The following POTEI variants were observed in gnomAD, a reference collection of about 807,000 sequenced individuals.
The protein encoded by POTEI is POTE ankyrin domain family, member I.
POTEI carries 14 observed loss-of-function variants against 43.4 expected under a neutral mutation model. That is an observed-to-expected ratio of 0.32 (90% CI 0.21 to 0.50). The LOEUF (loss-of-function observed/expected upper bound fraction) is 0.50, where lower values mean the gene tolerates loss of function less well. Among genes scored for constraint, POTEI ranks in the 20% least tolerant of loss-of-function variants. The pLI, the probability that POTEI is intolerant of heterozygous loss-of-function variation, is 0.98. For synonymous variants in POTEI, 95 were observed against 297.9 expected, an observed-to-expected ratio of 0.32 and a Z score of 7.01; for missense variants, 235 against 795.4, an observed-to-expected ratio of 0.30 and a Z score of 8.47.
At chr2:130,506,747 A>G (rs2105129379) in intron 1 of POTEI, among the ~76,000 whole-genome samples, 1 of 96,902 alleles carries the variant, frequency 1.0e-5, no homozygotes, top group Middle Eastern at 4.3e-3. Flanking sequence ...TGACTTCATG[A>G]TCCACCGCCT....
intron 9 of POTEI, among the ~76,000 whole-genome samples, chr2:130,482,826 C>A (rs912313037): frequency 1.3e-4 from 19 of 143,594 alleles, no homozygotes; most frequent in Admixed American, 2.1e-4. Context: ...GATGTTAAGA[C>A]CTGACTTGGA....
chr2:130,468,583 A>G (rs1682932480), intron 13 of POTEI, among the ~76,000 whole-genome samples: 1 of 151,882 alleles, frequency 6.6e-6, no homozygotes, highest in Non-Finnish European at 1.5e-5. Flanking sequence ...ACTCACTATC[A>G]CAAGAACAGC....
chr2:130,467,824 A>G (rs1174081911), intron 13 of POTEI, among the ~76,000 whole-genome samples: 3 of 147,832 alleles, frequency 2.0e-5, no homozygotes, highest in Admixed American at 2.0e-4. Flanking sequence ...ACATTTCTCA[A>G]AAGAAGAGGT....
rs1404839123 is a variant in POTEI at position 130,460,162 on chromosome 2, C to T, written c.*2654G>A. 3 of 150,742 alleles carry T rather than the reference C, an allele frequency of 2.0e-5. No individual in the cohort carries two copies. The highest frequency in any genetic ancestry group is 4.4e-5 in the Non-Finnish European group (3 of 68,132). The allele number at this position is 150,742 out of a possible 1,614,324, so 9.3% of individuals were successfully genotyped here. A position where few individuals can be genotyped will look rare whatever the true frequency, so the allele number is the denominator to read the frequency against. ...ATGGTGTGGGCATCTAAGAGTGCCC[C>T]GTAAGCAGGTGTGGCCAGGCTGGGG... On this transcript the variant is annotated 3_prime_UTR_variant, in exon 15 of 15. Transcript: ENST00000451531.
rs762257479 is a variant in POTEI, at chr2:130,509,174, C to A, written c.62G>T (p.Arg21Met). 2.0e-6 allele frequency: 3 copies of A among 1,508,480 alleles called. No individual in the cohort carries two copies. Among genetic ancestry groups the A allele is most frequent in the Non-Finnish European group, 2.7e-6 (3 of 1,127,982 alleles). 93.4% of individuals were successfully genotyped at this position (1,508,480 alleles called of 1,614,324 possible). Residue 21 changes from arginine (R) to methionine (M), a missense_variant, in exon 1 of 15, where the codon AGG (arginine) becomes ATG (methionine). Coordinates refer to ENST00000451531, the MANE Select transcript of POTEI (RefSeq NM_001277406.2). The stretch of plus-strand genomic sequence containing the variant: ...GCGGCACCACTTGCCCATCTTGCTC[C>A]TGAGAACAAATGGCTTCTTCACAGA... ...ASSVKKPFVL[R>M]SKMGKWCRHC...
chr2:130,467,796 G>A (rs1325860033), intron 13 of POTEI, among the ~76,000 whole-genome samples: 1 of 150,468 alleles, frequency 6.6e-6, no homozygotes, highest in Non-Finnish European at 1.5e-5. Context: ...TTGGAAAGTG[G>A]CCAAATTACA....
chr2:130,461,514 C>G lies in POTEI; in HGVS notation c.*1302G>C, dbSNP rs951251313. The G allele has an allele frequency of 2.0e-4, 30 of 152,378 alleles. No individual in the cohort carries two copies. Among genetic ancestry groups the G allele is most frequent in the Admixed American group, 1.8e-3 (27 of 15,312 alleles). 9.4% of individuals were successfully genotyped at this position (152,378 alleles called of 1,614,324 possible). A position where few individuals can be genotyped will look rare whatever the true frequency, so the allele number is the denominator to read the frequency against. On this transcript the variant is annotated 3_prime_UTR_variant, in exon 15 of 15. Coordinates refer to ENST00000451531, the MANE Select transcript of POTEI (RefSeq NM_001277406.2). The stretch of plus-strand genomic sequence containing the variant: ...CTGTGCTGAGGTACCTCTTCCACCC[C>G]TTGTCAGCTTGGGCTCTCCAAAGCC...
intron 10 of POTEI, among the ~76,000 whole-genome samples, chr2:130,478,693 G>C (rs112459538): frequency 9.1e-3 from 936 of 103,064 alleles, no homozygotes; most frequent in Non-Finnish European, 0.011. Context: ...TGGCAGCTGT[G>C]ACTCACACAG....
rs1389885237 is a variant in POTEI at position 130,460,970 on chromosome 2, G to A, written c.*1846C>T. The A allele has an allele frequency of 6.8e-6, 1 of 146,790 alleles. No individual in the cohort carries two copies. Among genetic ancestry groups the A allele is most frequent in the Non-Finnish European group, 1.5e-5 (1 of 68,014 alleles). 9.1% of individuals were successfully genotyped at this position (146,790 alleles called of 1,614,324 possible). A position where few individuals can be genotyped will look rare whatever the true frequency, so the allele number is the denominator to read the frequency against. On this transcript the variant is annotated 3_prime_UTR_variant, in exon 15 of 15. Coordinates refer to ENST00000451531, the MANE Select transcript of POTEI (RefSeq NM_001277406.2). The stretch of plus-strand genomic sequence containing the variant: ...AAGTAGAGAGCCTGGCCACTTTTCT[G>A]TAGGGCTGCTGTGGTATGCTGGGGG...
At chr2:130,480,076 G>C (rs1279618336) in intron 10 of POTEI, among the ~76,000 whole-genome samples, 1 of 47,454 alleles carries the variant, frequency 2.1e-5, no homozygotes, top group Non-Finnish European at 4.1e-5. Context: ...GCGATGTTGT[G>C]TTGTGAGAAC....
intron 6 of POTEI, among the ~76,000 whole-genome samples, chr2:130,493,193 T>C (rs1198574793): frequency 6.1e-5 from 4 of 66,066 alleles, no homozygotes; most frequent in African/African-American, 1.8e-4. Flanking sequence ...TGTGCTGCCT[T>C]CATATGCTCC....
In POTEI at chr2:130,508,798, A is replaced by G. The variant is rs773717051; in HGVS notation, c.438T>C (p.Ala146=). ...RREDLDKLHR[A]AWWGKVARKD... ...TTCTGGCGACTTTACCCCACCAGGCAGCTCTGTGGAGCTTGTCCAGATCTT... is the reference window on the plus strand; with the variant it reads ...TTCTGGCGACTTTACCCCACCAGGCGGCTCTGTGGAGCTTGTCCAGATCTT... Residue 146 remains alanine, a synonymous_variant, in exon 1 of 15, where the codon GCT becomes GCC. Transcript: ENST00000451531. 6.7e-7 allele frequency: 1 copy of G among 1,495,974 alleles called. No individual in the cohort carries two copies. The highest frequency in any genetic ancestry group is 2.6e-5 in the East Asian group (1 of 38,788). The allele number at this position is 1,495,974 out of a possible 1,614,324, so 92.7% of individuals were successfully genotyped here.
chr2:130,507,395 T>C lies in POTEI; in HGVS notation c.521+1320A>G, dbSNP rs1441352458. ...ATGTATATATACATATGTATATATA[T>C]GTATATATGTGTATATATATGTATA... is the stretch of plus-strand genomic sequence containing the variant. On this transcript the variant is annotated intron_variant, in intron 1 of 14. Transcript: ENST00000451531. 6.8e-4 allele frequency among the ~76,000 whole-genome samples: 4 copies of C among 5,906 alleles called. 1 individual carries two copies. Among genetic ancestry groups the C allele is most frequent in the African/African-American group, 9.1e-4 (2 of 2,200 alleles). The allele number at this position is 5,906 out of a possible 152,430, so 3.9% of individuals were successfully genotyped here.
At position 130,479,078 on chromosome 2, in the gene POTEI, T is replaced by C. The variant is rs1244926158; in HGVS notation, c.1481-2377A>G. 5.0e-4 allele frequency among the ~76,000 whole-genome samples: 65 copies of C among 129,494 alleles called. No individual in the cohort carries two copies. In the East Asian group the frequency reaches 0.014, roughly 27 times the overall value. 85.0% of individuals were successfully genotyped at this position (129,494 alleles called of 152,430 possible). ...GTCCAGGTTAAATACTAGTGTACAA[T>C]CTGGAAACCTGTACATCATCTGAGA... On this transcript the variant is annotated intron_variant, in intron 10 of 14. Coordinates refer to ENST00000451531, the MANE Select transcript of POTEI (RefSeq NM_001277406.2).
intron 13 of POTEI, among the ~76,000 whole-genome samples, chr2:130,473,734 ATATG>A (rs1298769808): frequency 1.4e-4 from 4 of 29,544 alleles, no homozygotes; most frequent in African/African-American, 1.9e-4. Context: ...ACTCTGTTAT[ATATG>A]TGTGTGTGAA....
intron 13 of POTEI, among the ~76,000 whole-genome samples, chr2:130,468,735 C>T (rs1222545026): frequency 6.6e-6 from 1 of 151,454 alleles, no homozygotes; most frequent in African/African-American, 2.4e-5. Flanking sequence ...TTTAAAATAT[C>T]TAAATGTCAT....
intron 13 of POTEI, among the ~76,000 whole-genome samples, chr2:130,473,806 TCAATGAAACC>T (rs1683086413): frequency 1.5e-5 from 1 of 66,664 alleles, no homozygotes. Context: ...AATGTCTTTT[TCAATGAAACC>T]ATTTCCCCTG....
intron 13 of POTEI, among the ~76,000 whole-genome samples, chr2:130,466,748 TC>T (rs1168722435): frequency 1.6e-3 from 11 of 6,966 alleles, no homozygotes; most frequent in African/African-American, 6.0e-3. Flanking sequence ...AATGATATTA[TC>T]CTATACCTAG....
At chr2:130,484,204 T>G (rs1021755757) in intron 9 of POTEI, among the ~76,000 whole-genome samples, 1 of 150,794 alleles carries the variant, frequency 6.6e-6, no homozygotes, top group Non-Finnish European at 1.5e-5. Flanking sequence ...AAAGGGTTTT[T>G]TTTTTCTAAT....
Sources: allele counts gnomAD v4.1 joint callset (sites outside exome capture counted in the v4.1 genomes callset), GRCh38; gene constraint gnomAD v4.1.1; transcripts MANE v1.5; gene names NCBI Gene and HGNC (gene_info 2026-07-23, HGNC 2026-07-21).